Variants in AIRE observed in about 807,000 individuals in gnomAD.
AIRE encodes the protein autoimmune regulator, also known as autoimmune polyendocrinopathy candidiasis ectodermal dystrophy protein.
AIRE carries 52 observed loss-of-function variants against 62.1 expected under a neutral mutation model. The ratio of observed to expected loss-of-function variants is 0.84; its 90% CI spans 0.67 to 1.06. The LOEUF (loss-of-function observed/expected upper bound fraction) is 1.06, where lower values mean the gene tolerates loss of function less well. AIRE is among the 50% of genes least tolerant of loss of function. AIRE has a pLI of 0.00. For missense variants in AIRE, 774 were observed against 755.8 expected (o/e 1.02, Z -0.28); for synonymous variants, 342 against 321.6 (o/e 1.06, Z -0.68).
intron 8 of AIRE, among the ~76,000 whole-genome samples, chr21:44,291,429 C>T (rs573444005): frequency 6.6e-6 from 1 of 152,290 alleles, no homozygotes; most frequent in East Asian, 1.9e-4. Flanking sequence ...GACAGCTGGG[C>T]CCCTGAGGGC....
At chr21:44,290,094 C>A in intron 7 of AIRE, 26 bp downstream of exon 7, 1 of 1,603,160 alleles carries the variant, frequency 6.2e-7, no homozygotes, top group African/African-American at 1.3e-5. Context: ...ACAGGAGAGG[C>A]CCCTGTCTGC....
rs1306952729 is a variant in AIRE, at chr21:44,287,408, A to G, written c.464-109A>G. The G allele has an allele frequency of 3.8e-6, 3 of 799,884 alleles. No individual in the cohort carries two copies. The highest frequency in any genetic ancestry group is 3.4e-5 in the African/African-American group (2 of 58,142). The allele number at this position is 799,884 out of a possible 1,614,324, so 49.5% of individuals were successfully genotyped here. ...GAAACCAGAGCCCGGCAAAGGGACTACCCAGCACTGGACCGCCCCCTCCAC... is the reference window on the plus strand; with the variant it reads ...GAAACCAGAGCCCGGCAAAGGGACTGCCCAGCACTGGACCGCCCCCTCCAC... On this transcript the variant is annotated intron_variant, in intron 3 of 13. Coordinates refer to ENST00000291582, the MANE Select transcript of AIRE (RefSeq NM_000383.4). The surrounding 1 kb of genome is among the most constrained non-coding windows in gnomAD (Gnocchi z 4.3).
intron 10 of AIRE, 132 bp downstream of exon 10, chr21:44,293,307 G>A: frequency 1.2e-6 from 1 of 868,040 alleles, no homozygotes; most frequent in African/African-American, 1.7e-5. Context: ...GCCTGGGGCT[G>A]TGGGGGGAGC....
chr21:44,296,635 C>A (rs1386309157), intron 13 of AIRE, among the ~76,000 whole-genome samples, 190 bp downstream of exon 13: 1 of 147,152 alleles, frequency 6.8e-6, no homozygotes, highest in Non-Finnish European at 1.5e-5. Flanking sequence ...CCACAGGAGC[C>A]CCCCTAGCCC....
chr21:44,293,955 C>T lies in AIRE; in HGVS notation c.1400+45C>T, dbSNP rs111354908. The T allele has an allele frequency of 5.0e-4, 792 of 1,589,376 alleles. 4 individuals are homozygous for T. In the African/African-American group the frequency reaches 8.8e-3, roughly 18 times the overall value. On this transcript the variant is annotated intron_variant, in intron 11 of 13. Transcript: ENST00000291582. ...GGGGAGGCCTGAACCCACACCCACA[C>T]CCTACACCCCACCCCACACTCCCCA... is the stretch of plus-strand genomic sequence containing the variant.
chr21:44,296,638 C>A (rs2040611349), intron 13 of AIRE, among the ~76,000 whole-genome samples, 193 bp downstream of exon 13: 1 of 147,710 alleles, frequency 6.8e-6, no homozygotes, highest in Non-Finnish European at 1.5e-5. Flanking sequence ...CAGGAGCCCC[C>A]CTAGCCCCCT....
chr21:44,286,597 C>A lies in AIRE; in HGVS notation c.173C>A (p.Ala58Asp), dbSNP rs747941115. ...AAGGAAAAGGAGGGCTGCCCCCAGGCCTTCCACGCCCTCCTGTCCTGGCTG... is the reference window on the plus strand; with the variant it reads ...AAGGAAAAGGAGGGCTGCCCCCAGGACTTCCACGCCCTCCTGTCCTGGCTG... ...HLKEKEGCPQAFHALLSWLLT... is the reference protein window; with the variant it reads ...HLKEKEGCPQDFHALLSWLLT... Residue 58 changes from alanine (A) to aspartate (D), a missense_variant, in exon 2 of 14, where the codon GCC becomes GAC. This residue lies in a region of AIRE where 385 missense variants were observed against 396.0 expected (regional missense o/e 0.97). Transcript: ENST00000291582. This position sits in a 1 kb window ranked among gnomAD's most constrained non-coding sequence, Gnocchi z 6.0. 1 of 1,612,594 alleles carries A rather than the reference C, an allele frequency of 6.2e-7. No homozygotes were observed. Among genetic ancestry groups the A allele is most frequent in the African/African-American group, 1.3e-5 (1 of 74,920 alleles).
Position 44,297,389 on chromosome 21 carries a change from G to A in AIRE, c.1567-267G>A, listed in dbSNP as rs1338222996. On this transcript the variant is annotated intron_variant, in intron 13 of 13. Coordinates refer to ENST00000291582, the MANE Select transcript of AIRE (RefSeq NM_000383.4). This position sits in a 1 kb window ranked among gnomAD's most constrained non-coding sequence, Gnocchi z 4.8. ...GGGATGTGCCCTGGGCTTATAGGAT[G>A]TGGTGAAGTACACAGGACAGGGTCC... Among the ~76,000 whole-genome samples the A allele has an allele frequency of 6.6e-6, 1 of 151,714 alleles. No individual in the cohort carries two copies. Among genetic ancestry groups the A allele is most frequent in the Non-Finnish European group, 1.5e-5 (1 of 67,986 alleles).
chr21:44,293,507 G>A (rs901808420), intron 10 of AIRE, among the ~76,000 whole-genome samples: 9 of 152,084 alleles, frequency 5.9e-5, no homozygotes, highest in South Asian at 2.1e-4. Context: ...GGAGACTCCC[G>A]CACTCAGCCC....
At position 44,297,428 on chromosome 21, in the gene AIRE, T is replaced by C. The variant is rs1348481110; in HGVS notation, c.1567-228T>C. ...AGGACAGGGTCCTCGGTCTGGCCTGTGCCATGGGGACCTTGGGCCTCAGTT... is the reference window on the plus strand; with the variant it reads ...AGGACAGGGTCCTCGGTCTGGCCTGCGCCATGGGGACCTTGGGCCTCAGTT... On this transcript the variant is annotated intron_variant, in intron 13 of 13. Coordinates refer to ENST00000291582, the MANE Select transcript of AIRE (RefSeq NM_000383.4). The surrounding 1 kb of genome is among the most constrained non-coding windows in gnomAD (Gnocchi z 4.8). Among the ~76,000 whole-genome samples the C allele has an allele frequency of 6.6e-6, 1 of 151,930 alleles. No individual in the cohort carries two copies. The highest frequency in any genetic ancestry group is 1.5e-5 in the Non-Finnish European group (1 of 67,958).
chr21:44,292,431 AC>A, intron 9 of AIRE, 30 bp downstream of exon 9: 1 of 1,485,576 alleles, frequency 6.7e-7, no homozygotes, highest in Non-Finnish European at 9.2e-7. Flanking sequence ...TAGCCGGGCC[AC>A]CCCTCCTGTC....
intron 7 of AIRE, 43 bp downstream of exon 7, chr21:44,290,111 T>TCC (rs752215004): frequency 1.3e-6 from 2 of 1,588,966 alleles, no homozygotes; most frequent in African/African-American, 1.3e-5. Flanking sequence ...CTGCCCTTGC[T>TCC]CCCCTCGGGT....
Position 44,287,004 on chromosome 21 carries a change from GGGA to G in AIRE, c.338_340del (p.Arg113del). The G allele has an allele frequency of 6.2e-7, 1 of 1,612,776 alleles. No homozygotes were observed. The highest frequency in any genetic ancestry group is 1.1e-5 in the South Asian group (1 of 91,082). ...TGTGGACCTCAGCCAGCCCCGGAAGGGGAGGAAGCCCCCGGCCGTCCCCAAGGC... is the reference window on the plus strand; with the variant it reads ...TGTGGACCTCAGCCAGCCCCGGAAGGGGAAGCCCCCGGCCGTCCCCAAGGC... On this transcript the variant is annotated inframe_deletion, in exon 3 of 14. Transcript: ENST00000291582. This position sits in a 1 kb window ranked among gnomAD's most constrained non-coding sequence, Gnocchi z 4.3.
Position 44,286,020 on chromosome 21 carries a change from C to A in AIRE, c.14C>A (p.Ala5Glu). 1 of 1,532,858 alleles carries A rather than the reference C, an allele frequency of 6.5e-7. No homozygotes were observed. The highest frequency in any genetic ancestry group is 1.4e-5 in the African/African-American group (1 of 72,820). 95.0% of individuals were successfully genotyped at this position (1,532,858 alleles called of 1,614,324 possible). MATD[A>E]ALRRLLRLHR... ...CGCGCCCACCCCATGGCGACGGACG[C>A]GGCGCTACGCCGGCTTCTGAGGCTG... Residue 5 changes from alanine (A) to glutamate (E), a missense_variant, in exon 1 of 14, where the codon GCG (alanine) becomes GAG (glutamate). Physicochemically the swap from Ala to Glu is moderately radical, Grantham distance 107 (BLOSUM62 -1). Transcript: ENST00000291582. The surrounding 1 kb of genome is among the most constrained non-coding windows in gnomAD (Gnocchi z 6.0).
rs1043391656 is a variant in AIRE at position 44,293,064 on chromosome 21, C to T, written c.1167C>T (p.Asp389=). 1.2e-6 allele frequency: 2 copies of T among 1,612,514 alleles called. No individual in the cohort carries two copies. Among genetic ancestry groups the T allele is most frequent in the Non-Finnish European group, 1.7e-6 (2 of 1,179,844 alleles). The change falls in exon 10 of 14, where the codon GAC becomes GAT. Residue 389 remains aspartate (D), a synonymous_variant. Transcript: ENST00000291582. ...CTGGGGAACCCCTAGCCGGCATGGA[C>T]ACGACTCTTGTCTACAAGCACCTGC... The part of the protein sequence containing the change: ...GPPGEPLAGM[D]TTLVYKHLPA...
At position 44,294,449 on chromosome 21, in the gene AIRE, T is replaced by C; in HGVS notation, c.1449T>C (p.Pro483=). The change falls in exon 12 of 14, where the codon CCT becomes CCC. Residue 483 remains proline, a synonymous_variant. Coordinates refer to ENST00000291582, the MANE Select transcript of AIRE (RefSeq NM_000383.4). ...GCTCAGGAGACGTGACCCCAGCCCC[T>C]GTGGAGGGGGTGCTGGCCCCCAGCC... is the stretch of plus-strand genomic sequence containing the variant. ...RSCSGDVTPA[P]VEGVLAPSPA... is the part of the protein sequence containing the mutation. 6.4e-7 allele frequency: 1 copy of C among 1,569,406 alleles called. No individual in the cohort carries two copies. The highest frequency in any genetic ancestry group is 8.6e-7 in the Non-Finnish European group (1 of 1,165,208).
Position 44,287,412 on chromosome 21 carries a change from A to G in AIRE, c.464-105A>G, listed in dbSNP as rs112759342. 3 of 816,076 alleles carry G rather than the reference A, an allele frequency of 3.7e-6. No homozygotes were observed. The African/African-American group carries it at 5.1e-5, about 14-fold the overall frequency. 50.6% of individuals were successfully genotyped at this position (816,076 alleles called of 1,614,324 possible). ...CCAGAGCCCGGCAAAGGGACTACCC[A>G]GCACTGGACCGCCCCCTCCACGCCC... On this transcript the variant is annotated intron_variant, in intron 3 of 13. Coordinates refer to ENST00000291582, the MANE Select transcript of AIRE (RefSeq NM_000383.4). The surrounding 1 kb of genome is among the most constrained non-coding windows in gnomAD (Gnocchi z 4.3).
At chr21:44,292,764 G>GCCC (rs1178426672) in intron 9 of AIRE, among the ~76,000 whole-genome samples, 1 of 152,160 alleles carries the variant, frequency 6.6e-6, no homozygotes, top group East Asian at 1.9e-4. Context: ...GGGCCAGGGG[G>GCCC]CCCCCCGTGT....
chr21:44,296,356 T>G (rs376597640), intron 12 of AIRE, 27 bp from the exon 13 acceptor site: 1 of 1,605,650 alleles, frequency 6.2e-7, no homozygotes, highest in African/African-American at 1.3e-5. Context: ...GGAGTTGGGC[T>G]GACCTCTTCT....
Sources: gnomAD v4.1 joint callset for allele counts (sites outside exome capture counted in the v4.1 genomes callset) on GRCh38, gnomAD v4.1.1 for gene constraint, gnomAD v4.1.1 regional missense constraint, Gnocchi (gnomAD v3.1) non-coding constraint, MANE v1.5 for transcripts, NCBI Gene and HGNC (gene_info 2026-07-23, HGNC 2026-07-21) for gene names.